Variants in CTNNA2 observed in about 807,000 individuals in gnomAD.
CTNNA2 encodes catenin alpha-2.
In CTNNA2, 42 loss-of-function variants were observed where a neutral mutation model predicts 101.0. The observed-to-expected ratio is 0.42, with a 90% CI of 0.32 to 0.54. CTNNA2 has a LOEUF of 0.54. Among genes scored for constraint, CTNNA2 ranks in the 20% least tolerant of loss-of-function variants. CTNNA2 has a pLI of 0.14. For synonymous variants in CTNNA2, 450 were observed against 456.4 expected (o/e 0.99, Z 0.18); for missense variants, 871 against 1,223.1 (o/e 0.71, Z 4.29).
At chr2:80,616,585 C>T (rs944683051) in intron 17 of CTNNA2, 6 of 151,742 alleles carry the variant, frequency 4.0e-5, no homozygotes, top group Middle Eastern at 3.4e-3. Flanking sequence ...AAATTACTAC[C>T]GTGACTATAA....
chr2:80,255,486 T>A (rs1386562934), intron 7 of CTNNA2, among the ~76,000 whole-genome samples: 1 of 152,188 alleles, frequency 6.6e-6, no homozygotes, highest in African/African-American at 2.4e-5. Context: ...TTATATTTTA[T>A]AATGCTGATT....
At chr2:79,380,948 G>A (rs2104463022) in intron 4 of CTNNA2, among the ~76,000 whole-genome samples, 1 of 152,278 alleles carries the variant, frequency 6.6e-6, no homozygotes, top group South Asian at 2.1e-4. Flanking sequence ...ACTATACAGA[G>A]TCTGGTACAG....
intron 4 of CTNNA2, among the ~76,000 whole-genome samples, chr2:79,379,275 T>C (rs11126721): frequency 0.75 from 113,652 of 152,084 alleles, 42,742 homozygotes; most frequent in South Asian, 0.83. Flanking sequence ...ATTTTCTCAT[T>C]AGAATAAGTA....
chr2:80,582,601 G>A lies in CTNNA2; in HGVS notation c.2007+782G>A, dbSNP rs79127609. Among the ~76,000 whole-genome samples, 61 of 152,184 alleles carry A rather than the reference G, an allele frequency of 4.0e-4. 1 individual carries two copies. In the East Asian group the frequency reaches 9.7e-3, roughly 24 times the overall value. Reference sequence around the variant, plus strand: ...AGAGTAGGTGTACGTAATCAAGGCCGGTGGTAAGAGATGAAATCTTTAGAG... The same window carrying A: ...AGAGTAGGTGTACGTAATCAAGGCCAGTGGTAAGAGATGAAATCTTTAGAG... On this transcript the variant is annotated intron_variant, in intron 14 of 18. Coordinates refer to ENST00000402739, the MANE Select transcript of CTNNA2 (RefSeq NM_001282597.3).
At chr2:80,410,560 C>T (rs992945196) in intron 8 of CTNNA2, among the ~76,000 whole-genome samples, 1 of 152,230 alleles carries the variant, frequency 6.6e-6, no homozygotes, top group South Asian at 2.1e-4. Context: ...TCCTTTCTGC[C>T]CTGGTTGATT....
chr2:79,535,857 C>A (rs1673023702), intron 1 of CTNNA2, among the ~76,000 whole-genome samples: 1 of 152,048 alleles, frequency 6.6e-6, no homozygotes, highest in African/African-American at 2.4e-5. Context: ...ATTGTCAGCT[C>A]TGTTGAAGAG....
chr2:80,487,143 T>C (rs1686653819), intron 9 of CTNNA2, among the ~76,000 whole-genome samples: 1 of 151,752 alleles, frequency 6.6e-6, no homozygotes, highest in Non-Finnish European at 1.5e-5. Context: ...TAGCCGGGCG[T>C]GGTGGTGCAC....
chr2:79,936,275 A>G (rs1266778586), intron 7 of CTNNA2, among the ~76,000 whole-genome samples: 5 of 148,016 alleles, frequency 3.4e-5, no homozygotes, highest in Non-Finnish European at 7.4e-5. Context: ...GTAGTCACCC[A>G]GAGAATTTTC....
At chr2:79,768,337 T>A (rs1216240454) in intron 3 of CTNNA2, among the ~76,000 whole-genome samples, 1 of 151,070 alleles carries the variant, frequency 6.6e-6, no homozygotes, top group African/African-American at 2.4e-5. Context: ...CACTGTATGA[T>A]TGAAGGAGGC....
At position 80,323,406 on chromosome 2, in the gene CTNNA2, C is replaced by G. The variant is rs531820929; in HGVS notation, c.1057-69805C>G. ...TCTAGCTTTTCCTCTTCTCTCTTTCCTCCTTGCTTGCCTGCTGTCTCACAA... is the reference window on the plus strand; with the variant it reads ...TCTAGCTTTTCCTCTTCTCTCTTTCGTCCTTGCTTGCCTGCTGTCTCACAA... On this transcript the variant is annotated intron_variant, in intron 7 of 18. Coordinates refer to ENST00000402739, the MANE Select transcript of CTNNA2 (RefSeq NM_001282597.3). Among the ~76,000 whole-genome samples, 11 of 152,136 alleles carry G rather than the reference C, an allele frequency of 7.2e-5. No individual in the cohort carries two copies. In the East Asian group the frequency reaches 1.9e-3, roughly 27 times the overall value.
chr2:79,722,874 T>C lies in CTNNA2; in HGVS notation c.103-21513T>C, dbSNP rs1188806330. ...GTTGTGACAGATCATGATTATGTAG[T>C]TGAGAGTTGTGTTATTTTGGATTGC... On this transcript the variant is annotated intron_variant, in intron 2 of 18. Transcript: ENST00000402739. Among the ~76,000 whole-genome samples, 7 of 152,196 alleles carry C rather than the reference T, an allele frequency of 4.6e-5. No individual in the cohort carries two copies. In the East Asian group the frequency reaches 9.7e-4, roughly 21 times the overall value.
At chr2:79,555,696 C>G (rs972303206) in intron 1 of CTNNA2, among the ~76,000 whole-genome samples, 8 of 151,994 alleles carry the variant, frequency 5.3e-5, no homozygotes, top group Non-Finnish European at 1.2e-4. Context: ...CCATATTTCA[C>G]ATTAGGATTT....
At chr2:79,968,423 C>T (rs1028331389) in intron 7 of CTNNA2, among the ~76,000 whole-genome samples, 1 of 152,050 alleles carries the variant, frequency 6.6e-6, no homozygotes, top group African/African-American at 2.4e-5. Context: ...TGGCTATGAA[C>T]CCAGGAATCA....
chr2:79,916,420 T>A (rs995235263), intron 7 of CTNNA2, among the ~76,000 whole-genome samples: 1 of 151,852 alleles, frequency 6.6e-6, no homozygotes, highest in Non-Finnish European at 1.5e-5. Flanking sequence ...GTATGTTCAA[T>A]GCCCTCATCT....
At chr2:79,244,268 T>C (rs528595646) in intron 2 of CTNNA2, among the ~76,000 whole-genome samples, 2 of 152,316 alleles carry the variant, frequency 1.3e-5, no homozygotes, top group Admixed American at 1.3e-4. Context: ...TACCACCTCT[T>C]CTGGTCTCTC....
chr2:80,624,871 A>T (rs1480280747), intron 18 of CTNNA2, among the ~76,000 whole-genome samples: 1 of 151,964 alleles, frequency 6.6e-6, no homozygotes, highest in African/African-American at 2.4e-5. Flanking sequence ...GTATCTAGAT[A>T]TAGATATATG....
chr2:80,459,584 T>C (rs1193031943), intron 9 of CTNNA2, among the ~76,000 whole-genome samples: 1 of 151,442 alleles, frequency 6.6e-6, no homozygotes, highest in Non-Finnish European at 1.5e-5. Flanking sequence ...GTTAAGGGAG[T>C]CTGTTGAAAG....
intron 7 of CTNNA2, among the ~76,000 whole-genome samples, chr2:80,186,421 G>T (rs1347590759): frequency 6.6e-6 from 1 of 152,156 alleles, no homozygotes; most frequent in Non-Finnish European, 1.5e-5. Context: ...ATGCATGTCT[G>T]CATGTCCCTC....
intron 13 of CTNNA2, among the ~76,000 whole-genome samples, 180 bp from the exon 14 acceptor site, chr2:80,581,526 G>A (rs951563689): frequency 9.2e-5 from 14 of 151,998 alleles, no homozygotes; most frequent in African/African-American, 3.4e-4. Flanking sequence ...AAGTAAATTA[G>A]GGCAGCTTGA....
Sources: gnomAD v4.1 joint callset for allele counts (sites outside exome capture counted in the v4.1 genomes callset) on GRCh38, gnomAD v4.1.1 for gene constraint, MANE v1.5 for transcripts, NCBI Gene and HGNC (gene_info 2026-07-23, HGNC 2026-07-21) for gene names.